EHBP1: variants seen among roughly 807,000 people sequenced by gnomAD.
EHBP1 encodes the protein EH domain binding protein 1.
EHBP1 carries 55 observed loss-of-function variants against 144.0 expected under a neutral mutation model. The ratio of observed to expected loss-of-function variants is 0.38; its 90% CI spans 0.31 to 0.48. The LOEUF (loss-of-function observed/expected upper bound fraction) is 0.48, where lower values mean the gene tolerates loss of function less well. EHBP1 is among the 20% of genes least tolerant of loss of function. EHBP1 has a pLI of 0.98. For missense variants in EHBP1, 1,200 were observed against 1,364.2 expected, an observed-to-expected ratio of 0.88 and a Z score of 1.90; for synonymous variants, 469 against 472.7, an observed-to-expected ratio of 0.99 and a Z score of 0.10.
chr2:62,772,697 A>T (rs1216142194), intron 5 of EHBP1, among the ~76,000 whole-genome samples: 1 of 152,230 alleles, frequency 6.6e-6, no homozygotes, highest in Non-Finnish European at 1.5e-5. Context: ...TTTTCAGTGA[A>T]TATTAGCTTT....
intron 10 of EHBP1, among the ~76,000 whole-genome samples, chr2:62,894,926 A>AG (rs1491162615): frequency 0.12 from 15,834 of 136,028 alleles, 1,215 homozygotes; most frequent in Non-Finnish European, 0.16. Flanking sequence ...AAACAGAAAG[A>AG]AAGAGAGAGA....
chr2:62,956,543 A>G (rs761311187), intron 14 of EHBP1, among the ~76,000 whole-genome samples: 14 of 152,114 alleles, frequency 9.2e-5, no homozygotes, highest in South Asian at 6.2e-4. Context: ...CAAGTTATCT[A>G]TTCCTGCATT....
chr2:62,752,990 A>T (rs1477901696), intron 3 of EHBP1, among the ~76,000 whole-genome samples: 1 of 152,204 alleles, frequency 6.6e-6, no homozygotes, highest in Non-Finnish European at 1.5e-5. Context: ...TGAAGTATTT[A>T]GCCCATTTAC....
At chr2:62,696,824 C>T (rs1427323455) in intron 1 of EHBP1, among the ~76,000 whole-genome samples, 1 of 151,862 alleles carries the variant, frequency 6.6e-6, no homozygotes, top group African/African-American at 2.4e-5. Context: ...ACCTTTTTTT[C>T]TTTTTTAACA....
chr2:62,942,674 C>T, intron 10 of EHBP1, 44 bp from the exon 11 acceptor site: 1 of 1,482,050 alleles, frequency 6.7e-7, no homozygotes, highest in Non-Finnish European at 9.1e-7. Context: ...TTTTCATCTT[C>T]CATTAAATTC....
Position 62,990,851 on chromosome 2 carries a change from C to G in EHBP1, c.2733+11C>G, listed in dbSNP as rs1235690383. On this transcript the variant is annotated intron_variant, in intron 16 of 22. Coordinates refer to ENST00000431489, the MANE Select transcript of EHBP1 (RefSeq NM_001142616.3). ...GAGCAGGACATGAAAGTAAGTCTTA[C>G]TTGTTTAAAACATTTGGCTTAGTAT... The G allele has an allele frequency of 6.2e-7, 1 of 1,605,056 alleles. No homozygotes were observed. The highest frequency in any genetic ancestry group is 1.7e-5 in the Admixed American group (1 of 58,480).
chr2:62,882,714 C>G (rs993556642), intron 10 of EHBP1, among the ~76,000 whole-genome samples: 2 of 152,278 alleles, frequency 1.3e-5, no homozygotes, highest in East Asian at 3.9e-4. Flanking sequence ...GAAACCTCGT[C>G]TCTACTAAAA....
In EHBP1 at chr2:62,809,122, C is replaced by T. The variant is rs552804403; in HGVS notation, c.313-16965C>T. ...CCTGACCAGCATGGTGAAACCCTGT[C>T]TCTATTAAAAATACAAAAATTAACC... On this transcript the variant is annotated intron_variant, in intron 5 of 22. Coordinates refer to ENST00000431489, the MANE Select transcript of EHBP1 (RefSeq NM_001142616.3). Among the ~76,000 whole-genome samples the T allele has an allele frequency of 3.3e-5, 5 of 152,100 alleles. No homozygotes were observed. The South Asian group carries it at 1.0e-3, about 32-fold the overall frequency.
chr2:62,840,871 A>G (rs537492629), intron 7 of EHBP1, among the ~76,000 whole-genome samples: 2,501 of 152,176 alleles, frequency 0.016, 66 homozygotes, highest in African/African-American at 0.057. Context: ...GAGAAATAGG[A>G]ACACTTTTAC....
In EHBP1 at chr2:62,949,037, T is replaced by C; in HGVS notation, c.2191T>C (p.Tyr731His). The change falls in exon 13 of 23, where the codon TAC becomes CAC. Residue 731 changes from tyrosine (Y) to histidine (H), a missense_variant. Physicochemically the swap from Tyr to His is moderately conservative, Grantham distance 83. Around this residue, in one of 6 missense-constraint regions of EHBP1, gnomAD observed 543 missense variants for 513.1 expected, o/e 1.06. Coordinates refer to ENST00000431489, the MANE Select transcript of EHBP1 (RefSeq NM_001142616.3). The part of the protein sequence containing the change: ...TSLSPTSKLG[Y>H]SYSRDLDLAK... ...TTTATCTCCTACTTCTAAACTTGGA[T>C]ACTCATATAGTAGAGATCTAGACCT... is the stretch of plus-strand genomic sequence containing the variant. The C allele has an allele frequency of 6.2e-7, 1 of 1,613,910 alleles. No individual in the cohort carries two copies. The highest frequency in any genetic ancestry group is 1.1e-5 in the South Asian group (1 of 91,050).
chr2:62,864,706 T>A, intron 8 of EHBP1, 25 bp from the exon 9 acceptor site: 1 of 1,587,300 alleles, frequency 6.3e-7, no homozygotes, highest in Non-Finnish European at 8.6e-7. Context: ...TCATGTGATT[T>A]AATTCATCTG....
intron 21 of EHBP1, among the ~76,000 whole-genome samples, chr2:63,040,199 T>C (rs188505930): frequency 3.5e-4 from 53 of 150,750 alleles, no homozygotes; most frequent in African/African-American, 1.3e-3. Flanking sequence ...ATAATACATA[T>C]AACTCATCAT....
intron 10 of EHBP1, among the ~76,000 whole-genome samples, chr2:62,916,495 A>G (rs973146181): frequency 1.3e-5 from 2 of 151,810 alleles, no homozygotes; most frequent in African/African-American, 4.8e-5. Context: ...CGAGTGGATG[A>G]GGCTTGAGAA....
At chr2:62,925,751 T>A (rs976895503) in intron 10 of EHBP1, among the ~76,000 whole-genome samples, 1 of 151,972 alleles carries the variant, frequency 6.6e-6, no homozygotes, top group African/African-American at 2.4e-5. Flanking sequence ...ATGAAAGAAA[T>A]TGAAGAGGAT....
chr2:62,786,218 C>T (rs1357372597), intron 5 of EHBP1, among the ~76,000 whole-genome samples: 1 of 152,020 alleles, frequency 6.6e-6, no homozygotes, highest in Non-Finnish European at 1.5e-5. Context: ...GGACTGGAGC[C>T]CATGAGATGG....
chr2:63,016,195 C>CT (rs1218241403), intron 19 of EHBP1, among the ~76,000 whole-genome samples: 1 of 152,076 alleles, frequency 6.6e-6, no homozygotes, highest in East Asian at 1.9e-4. Context: ...TTGATAGACT[C>CT]TAAGAGTTGA....
chr2:62,953,378 G>T (rs2057508454), intron 13 of EHBP1, among the ~76,000 whole-genome samples: 1 of 151,610 alleles, frequency 6.6e-6, no homozygotes, highest in African/African-American at 2.4e-5. Flanking sequence ...TATAATGTTA[G>T]GTAGCCAATT....
intron 9 of EHBP1, among the ~76,000 whole-genome samples, chr2:62,873,540 C>T (rs183521024): frequency 6.6e-6 from 1 of 152,024 alleles, no homozygotes; most frequent in East Asian, 1.9e-4. Context: ...AGAGAAAATA[C>T]AGAAGAGGCT....
intron 14 of EHBP1, among the ~76,000 whole-genome samples, chr2:62,970,458 G>A (rs1457255067): frequency 6.6e-6 from 1 of 152,070 alleles, no homozygotes; most frequent in African/African-American, 2.4e-5. Flanking sequence ...TTTACGAAGA[G>A]TATGGATACA....
Sources: gnomAD v4.1 joint callset for allele counts (sites outside exome capture counted in the v4.1 genomes callset) on GRCh38, gnomAD v4.1.1 for gene constraint, gnomAD v4.1.1 regional missense constraint, MANE v1.5 for transcripts, NCBI Gene and HGNC (gene_info 2026-07-23, HGNC 2026-07-21) for gene names.